The following ULK4 variants were observed in gnomAD, a reference collection of about 807,000 sequenced individuals.
ULK4 encodes unc-51 like kinase 4, also known as inactive serine/threonine-protein kinase ULK4.
In ULK4, 133 loss-of-function variants were observed where a neutral mutation model predicts 160.6. The ratio of observed to expected loss-of-function variants is 0.83; its 90% CI spans 0.72 to 0.96. ULK4 has a LOEUF of 0.96. Among genes scored for constraint, ULK4 ranks in the 40% least tolerant of loss-of-function variants. The pLI is 0.00. For missense variants in ULK4, 1,580 were observed against 1,499.5 expected (o/e 1.05, Z -0.89); for synonymous variants, 534 against 539.8 (o/e 0.99, Z 0.15).
At chr3:41,544,249 T>C (rs1368745389) in intron 32 of ULK4, among the ~76,000 whole-genome samples, 1 of 152,208 alleles carries the variant, frequency 6.6e-6, no homozygotes, top group Non-Finnish European at 1.5e-5. Context: ...AAAGTCTATA[T>C]TCCCTGTAGA....
chr3:41,655,191 C>T (rs551802370), intron 30 of ULK4, among the ~76,000 whole-genome samples: 333 of 151,622 alleles, frequency 2.2e-3, no homozygotes, highest in African/African-American at 7.7e-3. Flanking sequence ...TGGAATGCTA[C>T]GCAGCCATAA....
chr3:41,321,858 G>A (rs1490701470), intron 35 of ULK4, among the ~76,000 whole-genome samples: 2 of 143,578 alleles, frequency 1.4e-5, no homozygotes, highest in Non-Finnish European at 3.0e-5. Flanking sequence ...CTGTGCATGC[G>A]GACAGCCCAC....
chr3:41,523,820 T>C (rs1236536685), intron 32 of ULK4, among the ~76,000 whole-genome samples: 1 of 152,158 alleles, frequency 6.6e-6, no homozygotes, highest in African/African-American at 2.4e-5. Context: ...ACACAAAAAC[T>C]TGTCCATGAA....
intron 32 of ULK4, among the ~76,000 whole-genome samples, chr3:41,491,575 C>T (rs1268046422): frequency 6.6e-6 from 1 of 152,056 alleles, no homozygotes; most frequent in African/African-American, 2.4e-5. Flanking sequence ...AGCATCATTA[C>T]TAATGAGTAG....
chr3:41,549,818 A>C (rs1442064631), intron 32 of ULK4, among the ~76,000 whole-genome samples: 1 of 152,168 alleles, frequency 6.6e-6, no homozygotes, highest in Non-Finnish European at 1.5e-5. Flanking sequence ...AGTCACATAT[A>C]AGGAAATGAC....
chr3:41,405,471 G>A (rs1242547984), intron 34 of ULK4, among the ~76,000 whole-genome samples: 1 of 152,112 alleles, frequency 6.6e-6, no homozygotes, highest in Non-Finnish European at 1.5e-5. Context: ...AGAACAATTT[G>A]TTTTCTCTTG....
chr3:41,522,226 A>C (rs1359304431), intron 32 of ULK4, among the ~76,000 whole-genome samples: 1 of 150,330 alleles, frequency 6.7e-6, no homozygotes. Context: ...TTCTGGGTTC[A>C]AGTAATTCTC....
chr3:41,269,223 A>G (rs2079097905), intron 35 of ULK4, among the ~76,000 whole-genome samples: 1 of 152,194 alleles, frequency 6.6e-6, no homozygotes, highest in South Asian at 2.1e-4. Context: ...ACTCACAAGT[A>G]TCCCTTGTAA....
At chr3:41,770,904 T>G (rs965518155) in intron 21 of ULK4, among the ~76,000 whole-genome samples, 1 of 152,312 alleles carries the variant, frequency 6.6e-6, no homozygotes, top group South Asian at 2.1e-4. Flanking sequence ...TTTTGAAAGG[T>G]GAATTTCTAA....
Position 41,780,469 on chromosome 3 carries a change from A to G in ULK4, c.2193+9192T>C, listed in dbSNP as rs79938534. On this transcript the variant is annotated intron_variant, in intron 21 of 36. Transcript: ENST00000301831. ...TCTTTTTAGAGTCAACGAAGCACACAGATTCAAGAGACTACCCAAGATCAC... is the reference window on the plus strand; with the variant it reads ...TCTTTTTAGAGTCAACGAAGCACACGGATTCAAGAGACTACCCAAGATCAC... 5.7e-3 allele frequency among the ~76,000 whole-genome samples: 861 copies of G among 152,260 alleles called. 9 individuals are homozygous for G. The highest frequency in any genetic ancestry group is 0.02 in the African/African-American group (825 of 41,570).
chr3:41,391,330 T>C (rs983268993), intron 35 of ULK4, among the ~76,000 whole-genome samples: 1 of 152,062 alleles, frequency 6.6e-6, no homozygotes, highest in Non-Finnish European at 1.5e-5. Flanking sequence ...ATAAAATTGA[T>C]TGAATTTACT....
chr3:41,878,793 T>C (rs1385077751), intron 17 of ULK4, among the ~76,000 whole-genome samples: 2 of 151,464 alleles, frequency 1.3e-5, no homozygotes, highest in African/African-American at 4.8e-5. Context: ...AGTCTAGTGA[T>C]CAACTTTAAC....
At chr3:41,325,527 T>A (rs560435277) in intron 35 of ULK4, among the ~76,000 whole-genome samples, 64 of 152,240 alleles carry the variant, frequency 4.2e-4, no homozygotes, top group African/African-American at 1.5e-3. Flanking sequence ...TTGGTGAAAA[T>A]GGTTTCAAAG....
At chr3:41,425,722 C>G (rs976269396) in intron 34 of ULK4, among the ~76,000 whole-genome samples, 4 of 152,108 alleles carry the variant, frequency 2.6e-5, no homozygotes, top group Non-Finnish European at 4.4e-5. Flanking sequence ...TTCAGACAAG[C>G]AAATGCTGAG....
intron 31 of ULK4, among the ~76,000 whole-genome samples, chr3:41,576,301 T>C (rs1318932950): frequency 6.6e-6 from 1 of 152,220 alleles, no homozygotes; most frequent in African/African-American, 2.4e-5. Context: ...TTGGGTTGAA[T>C]AGTATTTTCC....
intron 34 of ULK4, among the ~76,000 whole-genome samples, chr3:41,423,614 A>G (rs756122216): frequency 2.7e-5 from 4 of 149,556 alleles, no homozygotes; most frequent in Non-Finnish European, 6.0e-5. Context: ...AAACAGTTGC[A>G]GTTGGAGGCT....
chr3:41,781,416 T>TAA (rs57995352), intron 21 of ULK4, among the ~76,000 whole-genome samples: 22 of 135,142 alleles, frequency 1.6e-4, no homozygotes, highest in Admixed American at 6.0e-4. Context: ...GACTCCATCT[T>TAA]AAAAAAAAAA....
At chr3:41,421,396 G>A (rs1264903593) in intron 34 of ULK4, among the ~76,000 whole-genome samples, 2 of 152,100 alleles carry the variant, frequency 1.3e-5, no homozygotes, top group East Asian at 1.9e-4. Context: ...TGCATTTAGA[G>A]TTTCTTTATT....
chr3:41,727,000 A>T (rs1458441091), intron 22 of ULK4, among the ~76,000 whole-genome samples: 2 of 152,038 alleles, frequency 1.3e-5, no homozygotes, highest in Non-Finnish European at 2.9e-5. Context: ...TTCCCAAACT[A>T]CTGTCACTCA....
Sources: gnomAD v4.1 joint callset for allele counts (sites outside exome capture counted in the v4.1 genomes callset) on GRCh38, gnomAD v4.1.1 for gene constraint, MANE v1.5 for transcripts, NCBI Gene and HGNC (gene_info 2026-07-23, HGNC 2026-07-21) for gene names.